Variants in CDH19 observed in about 807,000 individuals in gnomAD.
CDH19 encodes the protein cadherin-19.
Under a neutral mutation model 64.2 loss-of-function variants are expected in CDH19, and 67 were observed. The ratio of observed to expected loss-of-function variants is 1.04; its 90% CI spans 0.86 to 1.28. CDH19 has a LOEUF of 1.28. Among genes scored for constraint, CDH19 ranks in the 50% most tolerant of loss-of-function variants. The pLI is 0.00. For missense variants in CDH19, 1,030 were observed against 929.0 expected, an observed-to-expected ratio of 1.11 and a Z score of -1.41; for synonymous variants, 346 against 319.3, an observed-to-expected ratio of 1.08 and a Z score of -0.89.
At position 66,505,086 on chromosome 18, in the gene CDH19, T is replaced by C. The variant is rs751703202; in HGVS notation, c.2045A>G (p.Tyr682Cys). 7.4e-6 allele frequency: 12 copies of C among 1,613,618 alleles called. No homozygotes were observed. The South Asian group carries it at 1.2e-4, about 16-fold the overall frequency. Residue 682 changes from tyrosine (Y) to cysteine (C), a missense_variant, in exon 12 of 12, where the codon TAC becomes TGC. Coordinates refer to ENST00000262150, the MANE Select transcript of CDH19 (RefSeq NM_021153.4). ...GGGGCCAACTTGCAAAGACTGCCTG[T>C]ATAGGCTCCTGATCTCAGCGCTTGT... ...KTTSAEIRSL[Y>C]RQSLQVGPDS...
chr18:66,596,221 C>A (rs537528907), intron 1 of CDH19: 1 of 151,968 alleles, frequency 6.6e-6, no homozygotes, highest in African/African-American at 2.4e-5. Flanking sequence ...AATGGGCAAG[C>A]GCTGGAAACA....
At chr18:66,548,363 G>A (rs1033485567) in intron 5 of CDH19, among the ~76,000 whole-genome samples, 7 of 106,810 alleles carry the variant, frequency 6.6e-5, no homozygotes, top group Non-Finnish European at 1.3e-4. Flanking sequence ...TTTAATATGA[G>A]GTTCTCAGCC....
chr18:66,535,850 G>A (rs980403687), intron 7 of CDH19, among the ~76,000 whole-genome samples: 1 of 145,888 alleles, frequency 6.9e-6, no homozygotes, highest in African/African-American at 2.5e-5. Flanking sequence ...TACAATATAT[G>A]TATGTATATA....
rs747627510 is a variant in CDH19, at chr18:66,505,134, C to T, written c.1997G>A (p.Arg666Gln). Residue 666 changes from arginine (R) to glutamine (Q), a missense_variant, in exon 12 of 12, where the codon CGG becomes CAG. Transcript: ENST00000262150. ...IAELRSSTIM[R>Q]ERKTRKTTSA... Reference sequence around the variant, plus strand: ...TGTGGTTTTCCGAGTCTTGCGTTCCCGCATTATGGTACTACTCCTCAGCTC... The same window carrying T: ...TGTGGTTTTCCGAGTCTTGCGTTCCTGCATTATGGTACTACTCCTCAGCTC... 2.5e-6 allele frequency: 4 copies of T among 1,613,534 alleles called. No individual in the cohort carries two copies. Among genetic ancestry groups the T allele is most frequent in the Non-Finnish European group, 3.4e-6 (4 of 1,179,712 alleles).
chr18:66,502,420 G>A lies in CDH19; in HGVS notation c.*2392C>T, dbSNP rs1305970310. The A allele has an allele frequency of 1.3e-5, 2 of 151,924 alleles. No homozygotes were observed. Among genetic ancestry groups the A allele is most frequent in the Non-Finnish European group, 2.9e-5 (2 of 67,924 alleles). The allele number at this position is 151,924 out of a possible 1,614,324, so 9.4% of individuals were successfully genotyped here. A position where few individuals can be genotyped will look rare whatever the true frequency, so the allele number is the denominator to read the frequency against. ...GTATTCCATTAATGTGCATTTTAAT[G>A]AGTTGTTTATCCAAATGTATTCATT... On this transcript the variant is annotated 3_prime_UTR_variant, in exon 12 of 12. Coordinates refer to ENST00000262150, the MANE Select transcript of CDH19 (RefSeq NM_021153.4).
Position 66,523,535 on chromosome 18 carries a change from G to A in CDH19, c.1458+6310C>T, listed in dbSNP as rs1015573106. Among the ~76,000 whole-genome samples the A allele has an allele frequency of 2.6e-5, 4 of 151,714 alleles. No homozygotes were observed. The East Asian group carries it at 7.8e-4, about 30-fold the overall frequency. Reference sequence around the variant, plus strand: ...AAACAACCCTCCAGGGTACCAGTGGGCTGGAGGATAAATATGCAGGACTTG... The same window carrying A: ...AAACAACCCTCCAGGGTACCAGTGGACTGGAGGATAAATATGCAGGACTTG... On this transcript the variant is annotated intron_variant, in intron 9 of 11. Transcript: ENST00000262150.
intron 1 of CDH19, among the ~76,000 whole-genome samples, chr18:66,588,418 A>G (rs1988638836): frequency 6.6e-6 from 1 of 151,886 alleles, no homozygotes; most frequent in Non-Finnish European, 1.5e-5. Context: ...CTGGGTAGGA[A>G]AGAGTTCAGC....
intron 1 of CDH19, among the ~76,000 whole-genome samples, chr18:66,599,392 C>T (rs965012113): frequency 2.6e-5 from 4 of 151,862 alleles, no homozygotes; most frequent in Admixed American, 6.6e-5. Context: ...CTGGTATTTA[C>T]AGAGGCTGGT....
chr18:66,576,205 C>A (rs1988261725), intron 1 of CDH19, among the ~76,000 whole-genome samples: 1 of 150,934 alleles, frequency 6.6e-6, no homozygotes, highest in South Asian at 2.1e-4. Context: ...TAATAATAAT[C>A]ACTCTAAATA....
intron 4 of CDH19, among the ~76,000 whole-genome samples, chr18:66,552,539 C>T (rs1987383269): frequency 1.1e-5 from 1 of 90,070 alleles, no homozygotes; most frequent in African/African-American, 8.9e-5. Context: ...CTGCTAGCGT[C>T]TCCCTGTATG....
intron 1 of CDH19, among the ~76,000 whole-genome samples, chr18:66,585,176 T>C (rs1480650744): frequency 6.6e-6 from 1 of 152,044 alleles, no homozygotes; most frequent in Non-Finnish European, 1.5e-5. Context: ...ACATACAATA[T>C]AATTTCTTTA....
intron 7 of CDH19, among the ~76,000 whole-genome samples, chr18:66,543,438 T>C (rs1435111971): frequency 6.6e-6 from 1 of 152,212 alleles, no homozygotes; most frequent in Non-Finnish European, 1.5e-5. Flanking sequence ...TATAATGCAC[T>C]GAATTTTAAT....
At chr18:66,588,639 G>GATAT in intron 1 of CDH19, among the ~76,000 whole-genome samples, 1 of 113,556 alleles carries the variant, frequency 8.8e-6, no homozygotes, top group African/African-American at 2.7e-5. Flanking sequence ...TATATATATA[G>GATAT]ATACAGCTCA....
intron 5 of CDH19, among the ~76,000 whole-genome samples, chr18:66,548,414 T>G (rs1267384547): frequency 6.6e-6 from 1 of 151,390 alleles, no homozygotes; most frequent in African/African-American, 2.4e-5. Context: ...GATAAGATCA[T>G]AAAGGAATGA....
intron 1 of CDH19, among the ~76,000 whole-genome samples, chr18:66,595,878 G>C (rs1309446554): frequency 1.3e-5 from 2 of 152,048 alleles, no homozygotes; most frequent in Non-Finnish European, 2.9e-5. Context: ...GAAAACTTCA[G>C]GCCAATATCC....
chr18:66,509,017 G>A lies in CDH19; in HGVS notation c.1806C>T (p.Leu602=). 9.3e-6 allele frequency: 15 copies of A among 1,609,862 alleles called. No homozygotes were observed. The highest frequency in any genetic ancestry group is 1.3e-5 in the African/African-American group (1 of 74,878). The change falls in exon 11 of 12, where the codon CTC becomes CTT. Residue 602 remains leucine, a synonymous_variant. Transcript: ENST00000262150. ...GFKTEVIIAI[L]ICIMIIFGFI... is the part of the protein sequence containing the mutation. ...TACCAAATATGATCATAATGCAAAT[G>A]AGAATAGCAATGATGACTTCTGTCT...
At chr18:66,506,269 T>C (rs549796781) in intron 11 of CDH19, among the ~76,000 whole-genome samples, 18 of 151,930 alleles carry the variant, frequency 1.2e-4, no homozygotes, top group Non-Finnish European at 2.4e-4. Context: ...CGTAGGGTGA[T>C]TGTAGCTAAT....
intron 9 of CDH19, among the ~76,000 whole-genome samples, chr18:66,523,952 G>T (rs1986106525): frequency 6.6e-6 from 1 of 151,978 alleles, no homozygotes; most frequent in Admixed American, 6.6e-5. Context: ...CACAGCGCAG[G>T]ACCTTGTTAA....
rs927232798 is a variant in CDH19 at position 66,568,408 on chromosome 18, T to C, written c.490+8A>G. Reference sequence around the variant, plus strand: ...AATATATCTTTGATGTAAATTAATATGCAATACCTTCTGGAGACATCTCTG... The same window carrying C: ...AATATATCTTTGATGTAAATTAATACGCAATACCTTCTGGAGACATCTCTG... On this transcript the variant is annotated splice_region_variant and intron_variant, in intron 3 of 11. Transcript: ENST00000262150. The C allele has an allele frequency of 1.6e-5, 26 of 1,597,304 alleles. No homozygotes were observed. The highest frequency in any genetic ancestry group is 1.6e-5 in the Non-Finnish European group (19 of 1,169,614).
Sources: allele counts gnomAD v4.1 joint callset (sites outside exome capture counted in the v4.1 genomes callset), GRCh38; gene constraint gnomAD v4.1.1; transcripts MANE v1.5; gene names NCBI Gene and HGNC (gene_info 2026-07-23, HGNC 2026-07-21).